FBXL17: variants seen among roughly 807,000 people sequenced by gnomAD.
FBXL17 encodes the protein F-box and leucine rich repeat protein 17.
Under a neutral mutation model 66.2 loss-of-function variants are expected in FBXL17, and 22 were observed. That is an observed-to-expected ratio of 0.33 (90% CI 0.24 to 0.47). FBXL17 has a LOEUF of 0.47. FBXL17 is among the 20% of genes least tolerant of loss of function. The pLI is 1.00. For missense variants in FBXL17, 878 were observed against 948.2 expected, an observed-to-expected ratio of 0.93 and a Z score of 0.97; for synonymous variants, 474 against 400.5, an observed-to-expected ratio of 1.18 and a Z score of -2.19.
At chr5:108,176,859 A>T (rs1441088352) in intron 6 of FBXL17, among the ~76,000 whole-genome samples, 2 of 152,204 alleles carry the variant, frequency 1.3e-5, no homozygotes, top group Non-Finnish European at 2.9e-5. Flanking sequence ...ATCTGAGGAT[A>T]AATGCACAAA....
intron 4 of FBXL17, among the ~76,000 whole-genome samples, chr5:108,320,596 A>G (rs974337176): frequency 1.3e-5 from 2 of 151,822 alleles, no homozygotes; most frequent in Admixed American, 1.3e-4. Context: ...TGTTTTGAGA[A>G]TTTTACATTT....
chr5:107,944,310 T>G (rs1751211801), intron 7 of FBXL17, among the ~76,000 whole-genome samples: 1 of 152,238 alleles, frequency 6.6e-6, no homozygotes. Context: ...ATGGTAGGTT[T>G]TATGCCCTTA....
At chr5:108,080,694 A>G (rs1443688875) in intron 6 of FBXL17, among the ~76,000 whole-genome samples, 1 of 152,102 alleles carries the variant, frequency 6.6e-6, no homozygotes, top group Admixed American at 6.5e-5. Flanking sequence ...GATAACTGGA[A>G]GTGGGGGTTT....
At chr5:108,312,800 A>G (rs1309408250) in intron 4 of FBXL17, among the ~76,000 whole-genome samples, 1 of 152,118 alleles carries the variant, frequency 6.6e-6, no homozygotes, top group Non-Finnish European at 1.5e-5. Flanking sequence ...TATTTCTTCC[A>G]GGCCCTCTAA....
intron 4 of FBXL17, among the ~76,000 whole-genome samples, chr5:108,303,170 C>T (rs1367794813): frequency 6.6e-6 from 1 of 151,812 alleles, no homozygotes; most frequent in Admixed American, 6.6e-5. Flanking sequence ...AGTGCCTCTA[C>T]TAACTCTTAA....
chr5:108,171,854 G>A (rs1466553796), intron 6 of FBXL17, among the ~76,000 whole-genome samples: 1 of 152,122 alleles, frequency 6.6e-6, no homozygotes, highest in Admixed American at 6.6e-5. Flanking sequence ...CATGGGGGCA[G>A]GTCTTTCCCA....
chr5:108,074,705 A>C (rs965849755), intron 6 of FBXL17, among the ~76,000 whole-genome samples: 4 of 152,182 alleles, frequency 2.6e-5, no homozygotes, highest in African/African-American at 9.7e-5. Flanking sequence ...GATTCATCTC[A>C]GGTCTAAAAC....
chr5:108,254,820 AC>A (rs1188362352), intron 4 of FBXL17, among the ~76,000 whole-genome samples: 1 of 152,192 alleles, frequency 6.6e-6, no homozygotes, highest in Non-Finnish European at 1.5e-5. Context: ...CTGCATTAAG[AC>A]CTTCAGAAAA....
chr5:108,309,843 T>C (rs1017847232), intron 4 of FBXL17, among the ~76,000 whole-genome samples: 1 of 152,062 alleles, frequency 6.6e-6, no homozygotes, highest in Non-Finnish European at 1.5e-5. Flanking sequence ...GGTACTGATT[T>C]TGTAATTCGA....
chr5:108,315,396 A>C (rs556093519), intron 4 of FBXL17, among the ~76,000 whole-genome samples: 1 of 151,542 alleles, frequency 6.6e-6, no homozygotes, highest in Non-Finnish European at 1.5e-5. Flanking sequence ...AAAATGTGTA[A>C]TTTACGGATA....
chr5:107,948,796 C>T (rs1751397518), intron 7 of FBXL17, among the ~76,000 whole-genome samples: 1 of 152,104 alleles, frequency 6.6e-6, no homozygotes, highest in Admixed American at 6.6e-5. Context: ...CTATAAAATG[C>T]CACTAAGAAG....
chr5:108,106,517 A>C (rs566189078), intron 6 of FBXL17, among the ~76,000 whole-genome samples: 10 of 152,358 alleles, frequency 6.6e-5, no homozygotes, highest in African/African-American at 2.4e-4. Context: ...TCAACTAATG[A>C]ACAGATGTGG....
chr5:108,201,297 C>G (rs923070943), intron 5 of FBXL17, among the ~76,000 whole-genome samples: 27 of 152,096 alleles, frequency 1.8e-4, no homozygotes, highest in African/African-American at 6.5e-4. Context: ...TGATTAACAA[C>G]TGGCGCAGTG....
intron 7 of FBXL17, among the ~76,000 whole-genome samples, chr5:107,978,653 C>A (rs2112664379): frequency 6.6e-6 from 1 of 152,302 alleles, no homozygotes; most frequent in South Asian, 2.1e-4. Flanking sequence ...TGCATGAGGA[C>A]CATTTTCCAC....
intron 7 of FBXL17, among the ~76,000 whole-genome samples, chr5:107,957,948 A>G (rs937487460): frequency 1.3e-5 from 2 of 152,190 alleles, no homozygotes; most frequent in African/African-American, 2.4e-5. Context: ...ATCCTTAAAC[A>G]GCAGTCTCTG....
intron 4 of FBXL17, among the ~76,000 whole-genome samples, chr5:108,242,371 TTG>T (rs1755897196): frequency 6.6e-6 from 1 of 151,406 alleles, no homozygotes; most frequent in Non-Finnish European, 1.5e-5. Context: ...GTTGTTGTTG[TTG>T]TTGTTGTTGT....
At chr5:108,347,034 A>C (rs564610903) in intron 4 of FBXL17, among the ~76,000 whole-genome samples, 17 of 152,316 alleles carry the variant, frequency 1.1e-4, no homozygotes, top group African/African-American at 3.6e-4. Context: ...ATTCAGGACT[A>C]CCCTGACAAC....
At chr5:108,337,182 G>C (rs1353495031) in intron 4 of FBXL17, among the ~76,000 whole-genome samples, 1 of 151,668 alleles carries the variant, frequency 6.6e-6, no homozygotes, top group Non-Finnish European at 1.5e-5. Flanking sequence ...CTTGAACCTG[G>C]GAGGCAAAGG....
chr5:108,205,441 G>C (rs1754078156), intron 5 of FBXL17, among the ~76,000 whole-genome samples: 1 of 152,032 alleles, frequency 6.6e-6, no homozygotes, highest in Non-Finnish European at 1.5e-5. Flanking sequence ...TCACATTCAA[G>C]TTTTCTCAAT....
Sources: allele counts gnomAD v4.1 joint callset (sites outside exome capture counted in the v4.1 genomes callset), GRCh38; gene constraint gnomAD v4.1.1; transcripts MANE v1.5; gene names NCBI Gene and HGNC (gene_info 2026-07-23, HGNC 2026-07-21).